NR2C2: variants seen among roughly 807,000 people sequenced by gnomAD.
NR2C2 encodes Nuclear hormone receptor TR4.
In NR2C2, 6 loss-of-function variants were observed where a neutral mutation model predicts 62.9. The observed-to-expected ratio is 0.10, with a 90% CI of 0.05 to 0.19. The LOEUF (loss-of-function observed/expected upper bound fraction) is 0.19, where lower values mean the gene tolerates loss of function less well. NR2C2 is among the 10% of genes least tolerant of loss of function. The probability of loss-of-function intolerance (pLI) is 1.00; values close to 1 mark genes in which losing one functional copy is unlikely to be tolerated. For missense variants in NR2C2, 479 were observed against 762.7 expected, an observed-to-expected ratio of 0.63 and a Z score of 4.38; for synonymous variants, 272 against 273.8, an observed-to-expected ratio of 0.99 and a Z score of 0.07.
intron 1 of NR2C2, among the ~76,000 whole-genome samples, chr3:14,975,938 T>C (rs1359277029): frequency 6.6e-6 from 1 of 152,072 alleles, no homozygotes; most frequent in Non-Finnish European, 1.5e-5. Flanking sequence ...ATATAATTTT[T>C]ATTTTATTTT....
rs779267913 is a variant in NR2C2 at position 15,020,957 on chromosome 3, CAT to C, written c.556+26_556+27del. 1.1e-5 allele frequency: 18 copies of C among 1,606,350 alleles called. No individual in the cohort carries two copies. In the East Asian group the frequency reaches 2.2e-4, roughly 20 times the overall value. On this transcript the variant is annotated intron_variant, in intron 5 of 13. Transcript: ENST00000425241. ...TGTGAGTAACAATATTTAAAAACCA[CAT>C]GAGTTAATGTGGAGGGAGACAGTAA...
chr3:14,969,743 A>C (rs562719605), intron 1 of NR2C2, among the ~76,000 whole-genome samples: 1 of 152,340 alleles, frequency 6.6e-6, no homozygotes, highest in Admixed American at 6.5e-5. Flanking sequence ...AGGGGCTCTC[A>C]GCCATCAAAT....
chr3:14,972,001 G>A (rs1407638222), intron 1 of NR2C2, among the ~76,000 whole-genome samples: 5 of 151,330 alleles, frequency 3.3e-5, no homozygotes, highest in Non-Finnish European at 5.9e-5. Context: ...TAGAGACGGG[G>A]TATCTCCGTG....
In NR2C2 at chr3:14,947,691, G is replaced by A. The variant is rs2039159180; in HGVS notation, c.-255G>A. On this transcript the variant is annotated 5_prime_UTR_variant, in exon 1 of 14. Transcript: ENST00000425241. ...AACAATAACAAACCCCCCCTTCTCC[G>A]CGACCCCGGCGGCGCCCCCGGGCCC... 2.0e-5 allele frequency: 3 copies of A among 149,280 alleles called. No homozygotes were observed. The East Asian group carries it at 6.0e-4, about 30-fold the overall frequency. The allele number at this position is 149,280 out of a possible 1,614,324, so 9.2% of individuals were successfully genotyped here.
chr3:14,966,624 G>A (rs904121264), intron 1 of NR2C2, among the ~76,000 whole-genome samples: 2 of 152,178 alleles, frequency 1.3e-5, no homozygotes, highest in Non-Finnish European at 2.9e-5. Flanking sequence ...TTTAGTAAGT[G>A]CCATGCATTT....
At chr3:14,953,909 AAAC>A (rs1027112329) in intron 1 of NR2C2, among the ~76,000 whole-genome samples, 2 of 151,886 alleles carry the variant, frequency 1.3e-5, no homozygotes, top group Non-Finnish European at 2.9e-5. Flanking sequence ...AAAAAAAAAA[AAAC>A]AACTGAGGCT....
chr3:14,950,618 T>C (rs968745924), intron 1 of NR2C2, among the ~76,000 whole-genome samples: 8 of 150,452 alleles, frequency 5.3e-5, no homozygotes, highest in African/African-American at 2.0e-4. Context: ...TAAATCAGAT[T>C]CTTTTTATTC....
At chr3:15,000,838 G>A (rs1335965313) in intron 1 of NR2C2, among the ~76,000 whole-genome samples, 4 of 135,338 alleles carry the variant, frequency 3.0e-5, no homozygotes, top group Admixed American at 8.1e-5. Context: ...TTTTTTTGAC[G>A]GAGTCTTGCT....
rs564350558 is a variant in NR2C2 at position 15,042,969 on chromosome 3, A to C, written c.1752A>C (p.Thr584=). Residue 584 remains threonine (T), a synonymous_variant, in exon 14 of 14, where the codon ACA becomes ACC. Coordinates refer to ENST00000425241, the MANE Select transcript of NR2C2 (RefSeq NM_001291694.2). Reference sequence around the variant, plus strand: ...TCCCCTACATCCTCAAGATGGAGACAGCAGAGTATAATGGCCAGATCACCG... The same window carrying C: ...TCCCCTACATCCTCAAGATGGAGACCGCAGAGTATAATGGCCAGATCACCG... ...SIIPYILKME[T]AEYNGQITGA... 1.2e-6 allele frequency: 2 copies of C among 1,614,252 alleles called. No homozygotes were observed. Among genetic ancestry groups the C allele is most frequent in the South Asian group, 1.1e-5 (1 of 91,086 alleles).
intron 1 of NR2C2, among the ~76,000 whole-genome samples, chr3:14,996,094 AATT>A (rs1405923446): frequency 6.6e-6 from 1 of 152,182 alleles, no homozygotes; most frequent in African/African-American, 2.4e-5. Context: ...GTGATTTGAG[AATT>A]ATTTTCTCCC....
chr3:15,005,254 ACAGCTCACTG>A (rs2041135157), intron 2 of NR2C2, among the ~76,000 whole-genome samples: 1 of 148,730 alleles, frequency 6.7e-6, no homozygotes, highest in Non-Finnish European at 1.5e-5. Flanking sequence ...TGGCGTGAAC[ACAGCTCACTG>A]CAGCCTCTAC....
intron 1 of NR2C2, among the ~76,000 whole-genome samples, chr3:14,973,453 T>C (rs1034231758): frequency 1.3e-5 from 2 of 152,088 alleles, no homozygotes; most frequent in Non-Finnish European, 2.9e-5. Context: ...AGGCTGGTCT[T>C]GAACTCCTGG....
chr3:15,009,621 G>A (rs2164358), intron 2 of NR2C2, among the ~76,000 whole-genome samples: 145,207 of 152,266 alleles, frequency 0.95, 69,269 homozygotes, highest in African/African-American at 0.98. Flanking sequence ...ATTCCCCCCA[G>A]TTTGTTATAG....
intron 1 of NR2C2, among the ~76,000 whole-genome samples, chr3:14,978,724 C>G (rs138985657): frequency 1.4e-4 from 21 of 152,320 alleles, no homozygotes; most frequent in African/African-American, 3.1e-4. Flanking sequence ...CCGATACTTT[C>G]ACTTGGTTTA....
At chr3:15,034,484 T>C (rs998747112) in intron 10 of NR2C2, 186 bp from the exon 11 acceptor site, 6 of 518,178 alleles carry the variant, frequency 1.2e-5, no homozygotes, top group Non-Finnish European at 1.7e-5. Flanking sequence ...AGGATTTTAG[T>C]TAAAACATTC....
chr3:15,037,631 C>T (rs1175253497), intron 11 of NR2C2, among the ~76,000 whole-genome samples: 2 of 152,112 alleles, frequency 1.3e-5, no homozygotes, highest in Admixed American at 1.3e-4. Context: ...GTTCAGGTGC[C>T]TGCAGAGACT....
intron 1 of NR2C2, among the ~76,000 whole-genome samples, chr3:14,969,560 C>T (rs57367873): frequency 0.016 from 2,403 of 152,234 alleles, 68 homozygotes; most frequent in African/African-American, 0.053. Context: ...ACTTTTTAAA[C>T]TCCATATTTT....
intron 2 of NR2C2, among the ~76,000 whole-genome samples, chr3:15,008,477 G>A (rs1287075710): frequency 2.0e-5 from 3 of 151,810 alleles, no homozygotes; most frequent in Non-Finnish European, 4.4e-5. Flanking sequence ...AGCCAACATC[G>A]TGCTGCTGCA....
chr3:14,957,746 C>T (rs1355211631), intron 1 of NR2C2, among the ~76,000 whole-genome samples: 1 of 152,154 alleles, frequency 6.6e-6, no homozygotes, highest in Non-Finnish European at 1.5e-5. Flanking sequence ...CTACCACTTC[C>T]TAACTGGCCT....
Sources: allele counts gnomAD v4.1 joint callset (sites outside exome capture counted in the v4.1 genomes callset), GRCh38; gene constraint gnomAD v4.1.1; transcripts MANE v1.5; gene names NCBI Gene and HGNC (gene_info 2026-07-23, HGNC 2026-07-21).